Variants in TSNARE1 observed in about 807,000 individuals in gnomAD.
The protein encoded by TSNARE1 is t-SNARE domain-containing protein 1.
A neutral mutation model predicts 62.0 loss-of-function variants in TSNARE1; 49 were observed. The observed-to-expected ratio is 0.79, with a 90% confidence interval of 0.63 to 1.00. The LOEUF is 1.00. Ranked by LOEUF, TSNARE1 falls within the 50% of genes least tolerant of loss-of-function variation. The probability of loss-of-function intolerance (pLI) is 0.00; values close to 1 mark genes in which losing one functional copy is unlikely to be tolerated. For missense variants in TSNARE1, 755 were observed against 700.1 expected (o/e 1.08, Z -0.88); for synonymous variants, 328 against 294.4 (o/e 1.11, Z -1.17).
intron 13 of TSNARE1, among the ~76,000 whole-genome samples, chr8:142,222,715 TCCACTCACTC>T (rs1816430977): frequency 9.3e-5 from 1 of 10,700 alleles, no homozygotes; most frequent in Non-Finnish European, 4.1e-4. Context: ...CACTCACTCA[TCCACTCACTC>T]ACTCATCCAC....
chr8:142,232,487 C>G (rs1033033710), intron 12 of TSNARE1, among the ~76,000 whole-genome samples: 1 of 152,216 alleles, frequency 6.6e-6, no homozygotes. Flanking sequence ...GAGGGGAGGG[C>G]GGCCGCAGGG....
chr8:142,282,350 G>A lies in TSNARE1; in HGVS notation c.1363+2063C>T, dbSNP rs183812435. ...GGCAGAGGCCCAGGATGAAGGCGTG[G>A]AGGCTAGTATCTGTCAACGAGCGGA... On this transcript the variant is annotated intron_variant, in intron 11 of 13. Transcript: ENST00000524325. Among the ~76,000 whole-genome samples the A allele has an allele frequency of 6.8e-3, 1,040 of 152,398 alleles. 5 individuals carry two copies. The highest frequency in any genetic ancestry group is 0.01 in the Non-Finnish European group (695 of 68,040).
intron 12 of TSNARE1, among the ~76,000 whole-genome samples, chr8:142,268,059 G>T (rs530961415): frequency 6.6e-6 from 1 of 152,316 alleles, no homozygotes; most frequent in East Asian, 1.9e-4. Context: ...AGATCTGAGG[G>T]CAACACTCCT....
rs117867188 is a variant in TSNARE1 at position 142,273,349 on chromosome 8, T to G, written c.1446+1432A>C. The G allele has an allele frequency of 5.6e-4, 549 of 985,400 alleles. 12 individuals are homozygous for G. In the East Asian group the frequency reaches 0.045, roughly 81 times the overall value. 61.0% of individuals were successfully genotyped at this position (985,400 alleles called of 1,614,324 possible). A position where few individuals can be genotyped will look rare whatever the true frequency, so the allele number is the denominator to read the frequency against. On this transcript the variant is annotated intron_variant, in intron 12 of 13. Transcript: ENST00000524325. The stretch of plus-strand genomic sequence containing the variant: ...CTTCTGCGTGGTGTGGCCCTGAGTT[T>G]CCAGCGAGTCCACCTTGCCCGTCAC...
chr8:142,294,814 G>A (rs913043588), intron 10 of TSNARE1, among the ~76,000 whole-genome samples: 4 of 152,220 alleles, frequency 2.6e-5, no homozygotes, highest in Admixed American at 6.5e-5. Context: ...ACACCTCCTC[G>A]CCCATGCCAG....
rs769499748 is a variant in TSNARE1 at position 142,315,086 on chromosome 8, G to A, written c.991C>T (p.Arg331Cys). ...AGCTGAGGACGCTCCTGCTGCAGAC[G>A]CTCCTGCTGCAGAGAAGGTACAGCT... is the stretch of plus-strand genomic sequence containing the variant. ...ELLRSSCPQE[R>C]LQQERPQLDR... Residue 331 changes from arginine to cysteine, a missense_variant, in exon 8 of 14, where the codon CGT becomes TGT. Transcript: ENST00000524325. The A allele has an allele frequency of 5.6e-6, 9 of 1,613,848 alleles. No individual in the cohort carries two copies. The highest frequency in any genetic ancestry group is 5.3e-5 in the African/African-American group (4 of 74,894).
intron 11 of TSNARE1, among the ~76,000 whole-genome samples, chr8:142,280,874 T>C (rs1175011165): frequency 6.6e-6 from 1 of 152,020 alleles, no homozygotes; most frequent in Non-Finnish European, 1.5e-5. Flanking sequence ...CAGCAGGCCC[T>C]GTATGGGGCC....
intron 1 of TSNARE1, among the ~76,000 whole-genome samples, chr8:142,365,600 ACG>A (rs202024772): frequency 1.6e-5 from 2 of 125,468 alleles, no homozygotes; most frequent in East Asian, 2.3e-4. Flanking sequence ...ACACATGCAC[ACG>A]CACACACACA....
intron 13 of TSNARE1, among the ~76,000 whole-genome samples, chr8:142,216,009 C>G (rs980244329): frequency 6.6e-5 from 10 of 152,198 alleles, no homozygotes; most frequent in African/African-American, 2.4e-4. Flanking sequence ...CCTGCCTCAG[C>G]AGATGGCATG....
chr8:142,278,345 G>C, intron 11 of TSNARE1: 1 of 985,454 alleles, frequency 1.0e-6, no homozygotes. Context: ...CTGCCACTGG[G>C]GGCGTTTGAG....
intron 1 of TSNARE1, among the ~76,000 whole-genome samples, chr8:142,358,581 T>C (rs554045570): frequency 4.7e-4 from 71 of 152,090 alleles, no homozygotes; most frequent in African/African-American, 1.6e-3. Context: ...TCGCTGCATA[T>C]GGAAACATGA....
intron 1 of TSNARE1, among the ~76,000 whole-genome samples, chr8:142,374,533 G>C (rs940643320): frequency 3.3e-5 from 5 of 151,896 alleles, no homozygotes; most frequent in Non-Finnish European, 5.9e-5. Context: ...AAAAAAATTA[G>C]CCAGGCGTGA....
intron 1 of TSNARE1, among the ~76,000 whole-genome samples, chr8:142,362,641 G>A (rs1435921924): frequency 2.0e-5 from 3 of 152,134 alleles, no homozygotes; most frequent in Admixed American, 6.6e-5. Flanking sequence ...CCCCAGATAC[G>A]GCAGTGACCA....
rs1242529116 is a variant in TSNARE1, at chr8:142,318,648, A to C, written c.894-14T>G. ...TGTGCCGTGTGCCTGGGGGCCGAGA[A>C]GGAGCCAGGAGCGAAGGCAGGGGAG... On this transcript the variant is annotated splice_polypyrimidine_tract_variant and intron_variant, in intron 6 of 13. Transcript: ENST00000524325. The C allele has an allele frequency of 6.2e-7, 1 of 1,613,178 alleles. No homozygotes were observed. The highest frequency in any genetic ancestry group is 1.3e-5 in the African/African-American group (1 of 74,884).
intron 12 of TSNARE1, among the ~76,000 whole-genome samples, chr8:142,236,055 C>A (rs1255959081): frequency 6.6e-6 from 1 of 152,174 alleles, no homozygotes; most frequent in Non-Finnish European, 1.5e-5. Context: ...AAGGACTCCG[C>A]AGCCAGGCTC....
chr8:142,228,409 C>T (rs1816938428), intron 13 of TSNARE1, among the ~76,000 whole-genome samples: 1 of 152,250 alleles, frequency 6.6e-6, no homozygotes, highest in African/African-American at 2.4e-5. Context: ...GACAGCCATG[C>T]TCCAGTGCCA....
Position 142,220,303 on chromosome 8 carries a change from G to A in TSNARE1, c.*12-7990C>T, listed in dbSNP as rs142466457. 2.2e-4 allele frequency among the ~76,000 whole-genome samples: 34 copies of A among 152,272 alleles called. No individual in the cohort carries two copies. The East Asian group carries it at 4.8e-3, about 22-fold the overall frequency. ...GGGAAGCCCCATGCAGAGGCCCCAC[G>A]GTGAGGAGGCCTCTGCTGCACAGCA... On this transcript the variant is annotated intron_variant, in intron 13 of 13. Transcript: ENST00000524325.
chr8:142,273,885 C>G (rs1586937658), intron 12 of TSNARE1: 1 of 985,370 alleles, frequency 1.0e-6, no homozygotes. Context: ...GGGGATGTGG[C>G]TCCTCTCTCG....
In TSNARE1 at chr8:142,274,420, C is replaced by G. The variant is rs928020657; in HGVS notation, c.1446+361G>C. 9.1e-6 allele frequency: 9 copies of G among 985,364 alleles called. 1 individual carries two copies. The highest frequency in any genetic ancestry group is 5.2e-5 in the African/African-American group (3 of 57,262). 61.0% of individuals were successfully genotyped at this position (985,364 alleles called of 1,614,324 possible). A position where few individuals can be genotyped will look rare whatever the true frequency, so the allele number is the denominator to read the frequency against. ...CAACCACAAAGTCCCCTCTGCAGTTCCCCGCCCCAGTATGGACACTGAGCT... is the reference window on the plus strand; with the variant it reads ...CAACCACAAAGTCCCCTCTGCAGTTGCCCGCCCCAGTATGGACACTGAGCT... On this transcript the variant is annotated intron_variant, in intron 12 of 13. Coordinates refer to ENST00000524325, the MANE Select transcript of TSNARE1 (RefSeq NM_145003.5).
Sources: allele counts gnomAD v4.1 joint callset (sites outside exome capture counted in the v4.1 genomes callset), GRCh38; gene constraint gnomAD v4.1.1; transcripts MANE v1.5; gene names NCBI Gene and HGNC (gene_info 2026-07-23, HGNC 2026-07-21).